The following ACBD6 variants were observed in gnomAD, a reference collection of about 807,000 sequenced individuals.
ACBD6 encodes acyl-CoA-binding domain-containing protein 6.
ACBD6 carries 28 observed loss-of-function variants against 37.2 expected under a neutral mutation model. The ratio of observed to expected loss-of-function variants is 0.75; its 90% CI spans 0.56 to 1.03. The LOEUF (loss-of-function observed/expected upper bound fraction) is 1.03. ACBD6 is among the 50% of genes least tolerant of loss of function. ACBD6 has a pLI of 0.00. For synonymous variants in ACBD6, 113 were observed against 126.8 expected, an observed-to-expected ratio of 0.89 and a Z score of 0.73; for missense variants, 340 against 337.4, an observed-to-expected ratio of 1.01 and a Z score of -0.06.
chr1:180,343,581 T>C (rs1303983078), intron 6 of ACBD6, among the ~76,000 whole-genome samples: 2 of 152,202 alleles, frequency 1.3e-5, no homozygotes, highest in South Asian at 2.1e-4. Flanking sequence ...AGAACCTTCA[T>C]CCTTCACAAT....
chr1:180,368,570 G>GTT (rs781549060), intron 6 of ACBD6, among the ~76,000 whole-genome samples: 1 of 151,936 alleles, frequency 6.6e-6, no homozygotes, highest in Non-Finnish European at 1.5e-5. Flanking sequence ...GTAAGGAAGG[G>GTT]GTCCAACTTC....
intron 5 of ACBD6, among the ~76,000 whole-genome samples, chr1:180,411,018 T>G (rs1469357814): frequency 6.6e-6 from 1 of 152,140 alleles, no homozygotes; most frequent in Non-Finnish European, 1.5e-5. Flanking sequence ...GATTCCAACC[T>G]TCATGGATGA....
At chr1:180,379,420 A>G (rs1653559918) in intron 6 of ACBD6, among the ~76,000 whole-genome samples, 2 of 152,222 alleles carry the variant, frequency 1.3e-5, no homozygotes. Context: ...GAAACTCATG[A>G]AATTCCTGAA....
At chr1:180,369,201 A>G (rs1571417560) in intron 6 of ACBD6, among the ~76,000 whole-genome samples, 1 of 152,338 alleles carries the variant, frequency 6.6e-6, no homozygotes, top group East Asian at 1.9e-4. Context: ...GGAGCAGCCT[A>G]CGCAGGGCTC....
chr1:180,411,831 C>T (rs986153569), intron 5 of ACBD6, among the ~76,000 whole-genome samples: 2 of 152,054 alleles, frequency 1.3e-5, no homozygotes, highest in African/African-American at 4.8e-5. Context: ...CCACGCCTGG[C>T]TAATTTTTTT....
chr1:180,385,329 C>T (rs1653809412), intron 6 of ACBD6, among the ~76,000 whole-genome samples: 1 of 150,486 alleles, frequency 6.6e-6, no homozygotes, highest in Non-Finnish European at 1.5e-5. Context: ...TTAAACACAA[C>T]CATACCAGTA....
chr1:180,405,202 C>T (rs999031087), intron 5 of ACBD6, among the ~76,000 whole-genome samples: 2 of 152,110 alleles, frequency 1.3e-5, no homozygotes, highest in Non-Finnish European at 2.9e-5. Flanking sequence ...AAATCTTTTG[C>T]TTTTCTGTTA....
chr1:180,345,132 A>G (rs1208383736), intron 6 of ACBD6, among the ~76,000 whole-genome samples: 1 of 152,230 alleles, frequency 6.6e-6, no homozygotes, highest in Non-Finnish European at 1.5e-5. Context: ...TTAGGTAAAT[A>G]AGAACAAAGC....
chr1:180,297,356 G>C (rs892298748), intron 7 of ACBD6, among the ~76,000 whole-genome samples: 1 of 152,154 alleles, frequency 6.6e-6, no homozygotes, highest in African/African-American at 2.4e-5. Flanking sequence ...AAACTCAGAG[G>C]TGCTTCTAAG....
At chr1:180,476,824 C>CA (rs1650814886) in intron 3 of ACBD6, among the ~76,000 whole-genome samples, 1 of 150,772 alleles carries the variant, frequency 6.6e-6, no homozygotes, top group African/African-American at 2.4e-5. Context: ...GACTCTGTCT[C>CA]AAAAAAAGCA....
intron 3 of ACBD6, among the ~76,000 whole-genome samples, chr1:180,473,517 GAAAT>G (rs1447998581): frequency 5.3e-5 from 8 of 150,744 alleles, no homozygotes; most frequent in African/African-American, 1.9e-4. Flanking sequence ...GATGGGGAAA[GAAAT>G]AAACTTTAAA....
intron 4 of ACBD6, among the ~76,000 whole-genome samples, chr1:180,414,665 G>C (rs187348907): frequency 5.3e-5 from 8 of 152,278 alleles, no homozygotes; most frequent in Non-Finnish European, 8.8e-5. Context: ...ATCTACACAG[G>C]ATTAACATAA....
At chr1:180,451,136 T>G (rs7542223) in intron 3 of ACBD6, among the ~76,000 whole-genome samples, 14,310 of 152,180 alleles carry the variant, frequency 0.094, 909 homozygotes, top group African/African-American at 0.17. Context: ...AAATGGCCAA[T>G]GTGTACATTA....
chr1:180,480,117 A>T (rs1250741749), intron 3 of ACBD6, among the ~76,000 whole-genome samples: 1 of 152,238 alleles, frequency 6.6e-6, no homozygotes, highest in African/African-American at 2.4e-5. Context: ...ATTATGGTGG[A>T]CTTTGTATAT....
chr1:180,302,919 T>C (rs1456962767), intron 7 of ACBD6, among the ~76,000 whole-genome samples: 7 of 149,868 alleles, frequency 4.7e-5, no homozygotes, highest in Non-Finnish European at 1.5e-5. Context: ...CAGACCACAG[T>C]GCAATCAAAC....
At chr1:180,308,939 T>G (rs1341823139) in intron 7 of ACBD6, among the ~76,000 whole-genome samples, 1 of 152,220 alleles carries the variant, frequency 6.6e-6, no homozygotes, top group Non-Finnish European at 1.5e-5. Context: ...ATAATTAAGG[T>G]GTATCATATT....
chr1:180,403,129 C>A (rs1319019661), intron 5 of ACBD6, among the ~76,000 whole-genome samples: 2 of 152,050 alleles, frequency 1.3e-5, no homozygotes, highest in Non-Finnish European at 2.9e-5. Context: ...AGTTCGAGAA[C>A]AAGCAGAACT....
At chr1:180,346,435 C>T (rs569429757) in intron 6 of ACBD6, among the ~76,000 whole-genome samples, 27 of 152,214 alleles carry the variant, frequency 1.8e-4, no homozygotes, top group African/African-American at 6.5e-4. Flanking sequence ...GTGACGGTGG[C>T]ACCAGTGAAT....
At chr1:180,293,225 T>C (rs1649783914) in intron 7 of ACBD6, among the ~76,000 whole-genome samples, 1 of 152,146 alleles carries the variant, frequency 6.6e-6, no homozygotes, top group Non-Finnish European at 1.5e-5. Flanking sequence ...TCAGGGTAAT[T>C]CTGGTTTCAC....
Sources: gnomAD v4.1 joint callset for allele counts (sites outside exome capture counted in the v4.1 genomes callset) on GRCh38, gnomAD v4.1.1 for gene constraint, MANE v1.5 for transcripts, NCBI Gene and HGNC (gene_info 2026-07-23, HGNC 2026-07-21) for gene names.